Variants in PTPRT observed in about 807,000 individuals in gnomAD.
PTPRT encodes protein tyrosine phosphatase receptor type T, also known as receptor-type tyrosine-protein phosphatase T.
A neutral mutation model predicts 176.8 loss-of-function variants in PTPRT; 56 were observed. The ratio of observed to expected loss-of-function variants is 0.32; its 90% CI spans 0.26 to 0.40. The LOEUF is 0.40. Ranked by LOEUF, PTPRT falls within the 10% of genes least tolerant of loss-of-function variation. The pLI, the probability that PTPRT is intolerant of heterozygous loss-of-function variation, is 1.00. For synonymous variants in PTPRT, 783 were observed against 739.0 expected (o/e 1.06, Z -0.96); for missense variants, 1,540 against 1,908.2 (o/e 0.81, Z 3.60).
chr20:42,250,404 C>T (rs1189980224), intron 13 of PTPRT, among the ~76,000 whole-genome samples: 1 of 152,180 alleles, frequency 6.6e-6, no homozygotes, highest in African/African-American at 2.4e-5. Context: ...TCAGCAGAGT[C>T]TTGAGTTGAA....
At chr20:42,297,635 A>G (rs182244973) in intron 12 of PTPRT, among the ~76,000 whole-genome samples, 1 of 152,326 alleles carries the variant, frequency 6.6e-6, no homozygotes, top group East Asian at 1.9e-4. Flanking sequence ...TTTAGATCCC[A>G]TAATTATAAC....
At chr20:42,191,749 G>T (rs1389115646) in intron 16 of PTPRT, among the ~76,000 whole-genome samples, 1 of 152,156 alleles carries the variant, frequency 6.6e-6, no homozygotes, top group African/African-American at 2.4e-5. Flanking sequence ...CTAATACATG[G>T]TTGTGTACAA....
At chr20:42,216,079 A>C (rs1298101093) in intron 15 of PTPRT, among the ~76,000 whole-genome samples, 2 of 151,772 alleles carry the variant, frequency 1.3e-5, no homozygotes, top group Non-Finnish European at 2.9e-5. Context: ...CTTTATGGCT[A>C]TTTCCCTACA....
intron 2 of PTPRT, among the ~76,000 whole-genome samples, chr20:42,878,581 G>A (rs997770853): frequency 2.6e-5 from 4 of 152,222 alleles, no homozygotes; most frequent in African/African-American, 9.6e-5. Context: ...TGGACCAGTT[G>A]CTTCACTTCT....
At chr20:42,109,271 T>A (rs558698072) in intron 23 of PTPRT, among the ~76,000 whole-genome samples, 1 of 152,248 alleles carries the variant, frequency 6.6e-6, no homozygotes, top group South Asian at 2.1e-4. Flanking sequence ...AACTCAAGCA[T>A]CCAGGGTCTG....
rs1385138579 is a variant in PTPRT, at chr20:42,645,762, TTATG to T, written c.1153+32100_1153+32103del. On this transcript the variant is annotated intron_variant, in intron 7 of 30. Transcript: ENST00000373187. Reference sequence around the variant, plus strand: ...TGTATGTTTCAGATGGGATGTGTATTTATGTGTGTGTGTGTGTGTGTGTGTGTGT... The same window carrying T: ...TGTATGTTTCAGATGGGATGTGTATTTGTGTGTGTGTGTGTGTGTGTGTGT... Among the ~76,000 whole-genome samples, 45 of 127,928 alleles carry T rather than the reference TTATG, an allele frequency of 3.5e-4. 2 individuals are homozygous for T. The highest frequency in any genetic ancestry group is 1.4e-3 in the African/African-American group (45 of 31,782). 83.9% of individuals were successfully genotyped at this position (127,928 alleles called of 152,430 possible).
chr20:42,688,243 C>T (rs6030410), intron 6 of PTPRT: 14,193 of 152,256 alleles, frequency 0.093, 766 homozygotes, highest in South Asian at 0.16. Flanking sequence ...ACGCTCCAGG[C>T]CTTCATCTTT....
In PTPRT at chr20:42,885,663, C is replaced by G. The variant is rs527644002; in HGVS notation, c.214+144G>C. 2.7e-5 allele frequency: 28 copies of G among 1,021,914 alleles called. No homozygotes were observed. In the East Asian group the frequency reaches 8.2e-4, roughly 30 times the overall value. The allele number at this position is 1,021,914 out of a possible 1,614,324, so 63.3% of individuals were successfully genotyped here. On this transcript the variant is annotated intron_variant, in intron 2 of 30. Coordinates refer to ENST00000373187, the MANE Select transcript of PTPRT (RefSeq NM_007050.6). ...AATTCATTCAGCCTTGGTTTGACCACCTCTGAGTGTGGGGAACTCACTACC... is the reference window on the plus strand; with the variant it reads ...AATTCATTCAGCCTTGGTTTGACCAGCTCTGAGTGTGGGGAACTCACTACC...
intron 1 of PTPRT, among the ~76,000 whole-genome samples, chr20:43,115,767 G>A (rs16987781): frequency 0.012 from 1,852 of 152,146 alleles, 19 homozygotes; most frequent in East Asian, 0.048. Flanking sequence ...CAGACACCCC[G>A]TCCAGGGCTC....
chr20:43,122,319 C>T (rs2013290282), intron 1 of PTPRT, among the ~76,000 whole-genome samples: 2 of 152,214 alleles, frequency 1.3e-5, no homozygotes, highest in South Asian at 2.1e-4. Flanking sequence ...TTCCTACTCC[C>T]TCTTGGTCCT....
chr20:42,137,875 C>T (rs997206268), intron 18 of PTPRT, among the ~76,000 whole-genome samples: 2 of 152,152 alleles, frequency 1.3e-5, no homozygotes, highest in African/African-American at 4.8e-5. Context: ...TGTCTAAGAC[C>T]CCAATACACC....
At chr20:42,821,124 G>T (rs952443640) in intron 2 of PTPRT, among the ~76,000 whole-genome samples, 1 of 152,060 alleles carries the variant, frequency 6.6e-6, no homozygotes, top group African/African-American at 2.4e-5. Context: ...AAAACTTCAG[G>T]CCAATATCCC....
At chr20:42,460,422 C>A (rs751487220) in intron 8 of PTPRT, among the ~76,000 whole-genome samples, 3 of 152,144 alleles carry the variant, frequency 2.0e-5, no homozygotes, top group African/African-American at 7.2e-5. Flanking sequence ...CTGCTACAGA[C>A]CCTCTCATGG....
chr20:42,369,615 C>T (rs988237533), intron 9 of PTPRT, among the ~76,000 whole-genome samples: 2 of 152,158 alleles, frequency 1.3e-5, no homozygotes, highest in African/African-American at 4.8e-5. Flanking sequence ...GAGTTAGTCC[C>T]ATTGCAGGCT....
At chr20:42,296,080 G>A (rs1312948505) in intron 12 of PTPRT, among the ~76,000 whole-genome samples, 9 of 152,208 alleles carry the variant, frequency 5.9e-5, no homozygotes, top group African/African-American at 2.2e-4. Flanking sequence ...TAGGCAATAT[G>A]TGAAAGTTAA....
At chr20:42,270,628 A>T (rs981671465) in intron 13 of PTPRT, among the ~76,000 whole-genome samples, 5 of 152,224 alleles carry the variant, frequency 3.3e-5, no homozygotes, top group East Asian at 3.9e-4. Context: ...AAATAGATTT[A>T]AAAAAAATGA....
intron 7 of PTPRT, among the ~76,000 whole-genome samples, chr20:42,602,397 T>C (rs2073797375): frequency 6.6e-6 from 1 of 152,190 alleles, no homozygotes; most frequent in Non-Finnish European, 1.5e-5. Context: ...AAGTGACTTG[T>C]AGAATGGGAT....
At chr20:42,173,608 G>T (rs1035170269) in intron 16 of PTPRT, among the ~76,000 whole-genome samples, 1 of 152,084 alleles carries the variant, frequency 6.6e-6, no homozygotes, top group South Asian at 2.1e-4. Context: ...AAAATGAAAG[G>T]TCGTTGAGTT....
At chr20:42,678,201 A>T in intron 6 of PTPRT, 42 bp from the exon 7 acceptor site, 1 of 1,569,412 alleles carries the variant, frequency 6.4e-7, no homozygotes, top group South Asian at 1.1e-5. Flanking sequence ...GATTCAAATG[A>T]TTTACAGAGC....
Sources: allele counts gnomAD v4.1 joint callset (sites outside exome capture counted in the v4.1 genomes callset), GRCh38; gene constraint gnomAD v4.1.1; transcripts MANE v1.5; gene names NCBI Gene and HGNC (gene_info 2026-07-23, HGNC 2026-07-21).